SEC23B: variants seen among roughly 807,000 people sequenced by gnomAD.
The protein encoded by SEC23B is protein transport protein Sec23B.
In SEC23B, 77 loss-of-function variants were observed where a neutral mutation model predicts 104.3. The ratio of observed to expected loss-of-function variants is 0.74; its 90% CI spans 0.61 to 0.89. The LOEUF (loss-of-function observed/expected upper bound fraction) is 0.89, where lower values mean the gene tolerates loss of function less well. SEC23B is among the 40% of genes least tolerant of loss of function. The pLI, the probability that SEC23B is intolerant of heterozygous loss-of-function variation, is 0.00. For synonymous variants in SEC23B, 338 were observed against 332.5 expected, an observed-to-expected ratio of 1.02 and a Z score of -0.18; for missense variants, 885 against 949.4, an observed-to-expected ratio of 0.93 and a Z score of 0.89.
rs747580776 is a variant in SEC23B, at chr20:18,530,712, C to CT, written c.1144dup (p.Ser382PhefsTer13). ...ATGGTAATGGGAGATTCTTTCAACA[C>CT]TTCTCTCTTCAAGCAGACATTCCAA... On this transcript the variant is annotated frameshift_variant, in exon 10 of 20. Coordinates refer to ENST00000650089, the MANE Select transcript of SEC23B (RefSeq NM_006363.6). LOFTEE classifies it high-confidence loss of function. 6.2e-7 allele frequency: 1 copy of CT among 1,611,536 alleles called. No homozygotes were observed. Among genetic ancestry groups the CT allele is most frequent in the African/African-American group, 1.3e-5 (1 of 74,860 alleles).
chr20:18,551,002 C>T, intron 16 of SEC23B, 87 bp from the exon 17 acceptor site: 2 of 825,844 alleles, frequency 2.4e-6, no homozygotes, highest in African/African-American at 1.7e-5. Flanking sequence ...CTGTGGATAC[C>T]AGGCATGGGA....
chr20:18,545,075 A>G (rs1326492650), intron 14 of SEC23B, among the ~76,000 whole-genome samples: 1 of 152,144 alleles, frequency 6.6e-6, no homozygotes, highest in African/African-American at 2.4e-5. Context: ...TGTCTCACGA[A>G]AACTCCCATA....
At chr20:18,515,574 A>G (rs2060017122) in intron 3 of SEC23B, 76 bp from the exon 4 acceptor site, 1 of 878,168 alleles carries the variant, frequency 1.1e-6, no homozygotes. Flanking sequence ...TGGCATCATT[A>G]TCATTTTTAC....
intron 15 of SEC23B, among the ~76,000 whole-genome samples, 192 bp from the exon 16 acceptor site, chr20:18,548,417 G>A (rs1345786300): frequency 6.6e-6 from 1 of 152,088 alleles, no homozygotes; most frequent in African/African-American, 2.4e-5. Context: ...GAAACTCTGT[G>A]CTCATTAAGC....
Position 18,548,661 on chromosome 20 carries a change from C to T in SEC23B, c.1796C>T (p.Pro599Leu), listed in dbSNP as rs750567843. 1 of 1,614,028 alleles carries T rather than the reference C, an allele frequency of 6.2e-7. No homozygotes were observed. Among genetic ancestry groups the T allele is most frequent in the Admixed American group, 1.7e-5 (1 of 60,020 alleles). ...TTTCTTCAAGTGTTTAACAACAGTC[C>T]TGATGAGTCGTCATATTACAGACAT... ...SPFLQVFNNSPDESSYYRHHF... is the reference protein window; with the variant it reads ...SPFLQVFNNSLDESSYYRHHF... The change falls in exon 16 of 20, where the codon CCT (proline) becomes CTT (leucine). Residue 599 changes from proline to leucine, a missense_variant. Pro to Leu is a moderately conservative substitution (Grantham distance 98, BLOSUM62 -3). Transcript: ENST00000650089.
chr20:18,527,779 A>C (rs1167787467), intron 9 of SEC23B, among the ~76,000 whole-genome samples, 168 bp downstream of exon 9: 1 of 152,196 alleles, frequency 6.6e-6, no homozygotes, highest in East Asian at 1.9e-4. Context: ...TGGAGAGGGA[A>C]GTAGTGATTA....
chr20:18,509,076 C>T (rs548160743), intron 1 of SEC23B, among the ~76,000 whole-genome samples: 1 of 152,334 alleles, frequency 6.6e-6, no homozygotes, highest in Non-Finnish European at 1.5e-5. Context: ...TTAATGAAAT[C>T]TGCTGACATA....
chr20:18,507,671 T>G (rs1285824966), upstream of SEC23B: 1 of 152,278 alleles, frequency 6.6e-6, no homozygotes, highest in Non-Finnish European at 1.5e-5. Flanking sequence ...TAGGCAACGG[T>G]GCGGCAGGCG....
At chr20:18,530,895 G>A in intron 10 of SEC23B, 92 bp downstream of exon 10, 3 of 1,003,688 alleles carry the variant, frequency 3.0e-6, no homozygotes, top group South Asian at 1.4e-5. Flanking sequence ...TCCCGCCTCA[G>A]CGTCCTAAAG....
At chr20:18,553,078 C>T (rs1326009347) in intron 17 of SEC23B, among the ~76,000 whole-genome samples, 1 of 152,320 alleles carries the variant, frequency 6.6e-6, no homozygotes, top group Non-Finnish European at 1.5e-5. Flanking sequence ...ATCTCCTTAT[C>T]GACATTTCTT....
Position 18,524,556 on chromosome 20 carries a change from G to A in SEC23B, c.490G>A (p.Val164Met), listed in dbSNP as rs36023150. 6 of 1,614,060 alleles carry A rather than the reference G, an allele frequency of 3.7e-6. No homozygotes were observed. Among genetic ancestry groups the A allele is most frequent in the Non-Finnish European group, 5.1e-6 (6 of 1,180,040 alleles). Residue 164 changes from valine (V) to methionine (M), a missense_variant, in exon 5 of 20, where the codon GTG becomes ATG. By Grantham distance (21) the Val-to-Met change is conservative. Transcript: ENST00000650089. ...GAGTCTTCTTCCTCCAGATGCTCTGGTGGGTCTGATCACATTTGGAAGGAT... is the reference window on the plus strand; with the variant it reads ...GAGTCTTCTTCCTCCAGATGCTCTGATGGGTCTGATCACATTTGGAAGGAT... ...SLSLLPPDAL[V>M]GLITFGRMVQ...
At position 18,525,101 on chromosome 20, in the gene SEC23B, G is replaced by T. The variant is rs148202068; in HGVS notation, c.689+81G>T. The stretch of plus-strand genomic sequence containing the variant: ...TGGGAGTAAGGGAAGAAAAATATTA[G>T]AATTTGTATTTTCTTATTATTAGAG... On this transcript the variant is annotated intron_variant, in intron 6 of 19. Coordinates refer to ENST00000650089, the MANE Select transcript of SEC23B (RefSeq NM_006363.6). The T allele has an allele frequency of 1.7e-4, 205 of 1,189,050 alleles. 1 individual carries two copies. The East Asian group carries it at 4.9e-3, about 28-fold the overall frequency. The allele number at this position is 1,189,050 out of a possible 1,614,324, so 73.7% of individuals were successfully genotyped here.
intron 11 of SEC23B, 84 bp from the exon 12 acceptor site, chr20:18,535,569 T>A (rs2060222024): frequency 1.0e-6 from 1 of 998,650 alleles, no homozygotes; most frequent in African/African-American, 1.6e-5. Flanking sequence ...TAGCCTGCCC[T>A]ACTCAGTCAG....
intron 12 of SEC23B, among the ~76,000 whole-genome samples, chr20:18,540,921 G>A (rs192632876): frequency 1.8e-4 from 27 of 152,300 alleles, no homozygotes; most frequent in Non-Finnish European, 3.4e-4. Context: ...GCCCTTTGAA[G>A]CTTTAAAGCC....
intron 1 of SEC23B, among the ~76,000 whole-genome samples, chr20:18,509,101 TGATA>T (rs1353057484): frequency 2.0e-5 from 3 of 152,218 alleles, no homozygotes; most frequent in Non-Finnish European, 4.4e-5. Flanking sequence ...CTGAGAGTTG[TGATA>T]GAACTTGCTT....
chr20:18,527,042 G>A (rs1600244268), intron 8 of SEC23B, among the ~76,000 whole-genome samples: 1 of 152,186 alleles, frequency 6.6e-6, no homozygotes, highest in East Asian at 1.9e-4. Flanking sequence ...ATGGCGAAAC[G>A]CCTGTCTGTA....
intron 4 of SEC23B, among the ~76,000 whole-genome samples, chr20:18,517,306 G>T (rs2060038318): frequency 1.3e-5 from 2 of 152,192 alleles, no homozygotes; most frequent in Admixed American, 6.5e-5. Flanking sequence ...TTGTGGGCAG[G>T]AGGTGGATCT....
chr20:18,546,903 GTTTTTTTTTTTTT>G (rs58809009), intron 15 of SEC23B, among the ~76,000 whole-genome samples: 2 of 115,516 alleles, frequency 1.7e-5, no homozygotes, highest in African/African-American at 6.7e-5. Flanking sequence ...GTGGTTTGCA[GTTTTTTTTTTTTT>G]TTTTTTTTTT....
chr20:18,510,382 CTG>C (rs2059970977), intron 1 of SEC23B, among the ~76,000 whole-genome samples: 1 of 152,216 alleles, frequency 6.6e-6, no homozygotes, highest in South Asian at 2.1e-4. Context: ...TCAATGATAA[CTG>C]TGCGGTTAAC....
Sources: gnomAD v4.1 joint callset for allele counts (sites outside exome capture counted in the v4.1 genomes callset) on GRCh38, gnomAD v4.1.1 for gene constraint, MANE v1.5 for transcripts, NCBI Gene and HGNC (gene_info 2026-07-23, HGNC 2026-07-21) for gene names.